Variants in KIF26B observed in about 807,000 individuals in gnomAD.
KIF26B encodes the protein kinesin family member 26B.
Under a neutral mutation model 151.2 loss-of-function variants are expected in KIF26B, and 63 were observed. The ratio of observed to expected loss-of-function variants is 0.42; its 90% CI spans 0.34 to 0.51. The LOEUF is 0.51. KIF26B is among the 20% of genes least tolerant of loss of function. The probability of loss-of-function intolerance (pLI) is 0.07; values close to 1 mark genes in which losing one functional copy is unlikely to be tolerated. For synonymous variants in KIF26B, 1,357 were observed against 1,262.1 expected (o/e 1.08, Z -1.59); for missense variants, 2,813 against 2,913.6 (o/e 0.97, Z 0.79).
At chr1:245,178,874 C>T (rs1011328925) in intron 2 of KIF26B, among the ~76,000 whole-genome samples, 1 of 152,044 alleles carries the variant, frequency 6.6e-6, no homozygotes, top group African/African-American at 2.4e-5. Flanking sequence ...TCCGAGCAGA[C>T]GGGGGCTCTG....
At chr1:245,641,649 T>C (rs959790276) in intron 9 of KIF26B, among the ~76,000 whole-genome samples, 1 of 152,234 alleles carries the variant, frequency 6.6e-6, no homozygotes, top group African/African-American at 2.4e-5. Context: ...ATTTATTGAA[T>C]TTTTTACCTC....
rs1670209682 is a variant in KIF26B, at chr1:245,241,468, G to A, written c.465+84785G>A. Among the ~76,000 whole-genome samples the A allele has an allele frequency of 6.6e-6, 1 of 152,174 alleles. No individual in the cohort carries two copies. The highest frequency in any genetic ancestry group is 2.4e-5 in the African/African-American group (1 of 41,426). ...ACCAGCTGGCACTGCTGTGTTCAGA[G>A]CATGGGAGGAAGCAGCAGCAGCAGA... On this transcript the variant is annotated intron_variant, in intron 2 of 14. Transcript: ENST00000407071. The surrounding 1 kb of genome is among the most constrained non-coding windows in gnomAD (Gnocchi z 5.0).
At chr1:245,443,579 G>A (rs113412940) in intron 4 of KIF26B, among the ~76,000 whole-genome samples, 17,316 of 102,874 alleles carry the variant, frequency 0.17, 3,280 homozygotes, top group African/African-American at 0.23. Flanking sequence ...TTCACCCTGC[G>A]GTCATCTCCC....
chr1:245,472,575 A>G (rs575689428), intron 4 of KIF26B, among the ~76,000 whole-genome samples: 10 of 152,150 alleles, frequency 6.6e-5, no homozygotes, highest in Non-Finnish European at 1.5e-4. Flanking sequence ...TGGATTCTGG[A>G]GCATTTTGGG....
chr1:245,681,365 A>T (rs948865905), intron 10 of KIF26B, among the ~76,000 whole-genome samples: 25 of 152,020 alleles, frequency 1.6e-4, no homozygotes, highest in Non-Finnish European at 2.9e-5. Flanking sequence ...GCCCGCCACC[A>T]CGCCCAGCTA....
intron 2 of KIF26B, among the ~76,000 whole-genome samples, chr1:245,201,924 T>C (rs1399717967): frequency 1.3e-5 from 2 of 152,202 alleles, no homozygotes; most frequent in Non-Finnish European, 2.9e-5. Flanking sequence ...TATTTCCTGT[T>C]GGGGTTTTAA....
chr1:245,271,528 T>C (rs1428988317), intron 2 of KIF26B, among the ~76,000 whole-genome samples: 1 of 152,034 alleles, frequency 6.6e-6, no homozygotes, highest in Non-Finnish European at 1.5e-5. Flanking sequence ...ATTTCCTTTT[T>C]TTCCTGGTTT....
intron 4 of KIF26B, among the ~76,000 whole-genome samples, chr1:245,502,455 A>T (rs1660640344): frequency 7.0e-6 from 1 of 143,830 alleles, no homozygotes. Context: ...TGAACCCAGG[A>T]GGGGGAGGTT....
chr1:245,302,988 CAAAAAAAA>C, intron 2 of KIF26B, among the ~76,000 whole-genome samples: 1 of 35,826 alleles, frequency 2.8e-5, no homozygotes, highest in East Asian at 1.1e-3. Context: ...GACTCTGTCT[CAAAAAAAA>C]AAAAAAAAAA....
At chr1:245,670,404 T>C (rs1019757502) in intron 10 of KIF26B, among the ~76,000 whole-genome samples, 3 of 151,554 alleles carry the variant, frequency 2.0e-5, no homozygotes, top group African/African-American at 7.3e-5. Context: ...GCTGTGTAAG[T>C]TTAGAGTGTA....
chr1:245,549,805 G>A (rs961626234), intron 5 of KIF26B, among the ~76,000 whole-genome samples: 3 of 150,580 alleles, frequency 2.0e-5, no homozygotes, highest in African/African-American at 7.3e-5. Flanking sequence ...TTTTGAGACA[G>A]AATCTTGCTC....
Position 245,344,387 on chromosome 1 carries a change from C to T in KIF26B, c.466-22447C>T, listed in dbSNP as rs1424448326. On this transcript the variant is annotated intron_variant, in intron 2 of 14. Coordinates refer to ENST00000407071, the MANE Select transcript of KIF26B (RefSeq NM_018012.4). ...GTATCCTCTAGTAGTCCCAGCTGCT[C>T]GGGAGGCTGAGGCAGGAGAGTGGCG... Among the ~76,000 whole-genome samples, 5 of 148,372 alleles carry T rather than the reference C, an allele frequency of 3.4e-5. No individual in the cohort carries two copies. The South Asian group carries it at 6.5e-4, about 19-fold the overall frequency.
intron 2 of KIF26B, among the ~76,000 whole-genome samples, chr1:245,305,797 G>C (rs562066965): frequency 6.6e-6 from 1 of 152,076 alleles, no homozygotes; most frequent in African/African-American, 2.4e-5. Flanking sequence ...AATTAGCCGG[G>C]TGTGGTGGCG....
chr1:245,613,519 A>C (rs1209719342), intron 9 of KIF26B, among the ~76,000 whole-genome samples: 1 of 152,032 alleles, frequency 6.6e-6, no homozygotes, highest in Non-Finnish European at 1.5e-5. Flanking sequence ...AATTGCTTGA[A>C]CCCAGGAGGC....
intron 9 of KIF26B, among the ~76,000 whole-genome samples, chr1:245,642,746 A>G (rs2043906752): frequency 6.6e-6 from 1 of 152,134 alleles, no homozygotes; most frequent in Non-Finnish European, 1.5e-5. Context: ...TGAAGGGGTC[A>G]GTCTCAGCTC....
chr1:245,685,353 CG>C (rs2044496103), intron 11 of KIF26B, 51 bp from the exon 12 acceptor site: 1 of 1,453,244 alleles, frequency 6.9e-7, no homozygotes, highest in East Asian at 2.4e-5. Flanking sequence ...GCTGGGCTCC[CG>C]GGGAAACTGC....
chr1:245,475,471 C>G (rs985342937), intron 4 of KIF26B, among the ~76,000 whole-genome samples: 2 of 151,280 alleles, frequency 1.3e-5, no homozygotes, highest in African/African-American at 4.9e-5. Context: ...ATTGGATAGG[C>G]GGGAAAAAAA....
At chr1:245,562,095 C>T (rs2042961404) in intron 5 of KIF26B, among the ~76,000 whole-genome samples, 2 of 152,120 alleles carry the variant, frequency 1.3e-5, no homozygotes, top group African/African-American at 2.4e-5. Flanking sequence ...ACTCGTCCTC[C>T]AGCCGTACTT....
chr1:245,368,576 G>T (rs1037560635), intron 3 of KIF26B, among the ~76,000 whole-genome samples: 1 of 152,058 alleles, frequency 6.6e-6, no homozygotes, highest in African/African-American at 2.4e-5. Context: ...TGAGGACTCA[G>T]ACTAGAGACC....
Sources: gnomAD v4.1 joint callset for allele counts (sites outside exome capture counted in the v4.1 genomes callset) on GRCh38, gnomAD v4.1.1 for gene constraint, Gnocchi (gnomAD v3.1) non-coding constraint, MANE v1.5 for transcripts, NCBI Gene and HGNC (gene_info 2026-07-23, HGNC 2026-07-21) for gene names.